ASTN2: variants seen among roughly 807,000 people sequenced by gnomAD.
The protein encoded by ASTN2 is astrotactin 2, also known as astrotactin-2.
A neutral mutation model predicts 139.8 loss-of-function variants in ASTN2; 54 were observed. The observed-to-expected ratio is 0.39, with a 90% CI of 0.31 to 0.48. The LOEUF (loss-of-function observed/expected upper bound fraction) is 0.48, where lower values mean the gene tolerates loss of function less well. Ranked by LOEUF, ASTN2 falls within the 20% of genes least tolerant of loss-of-function variation. The pLI is 0.95. For missense variants in ASTN2, 1,565 were observed against 1,725.1 expected, an observed-to-expected ratio of 0.91 and a Z score of 1.64; for synonymous variants, 756 against 719.5, an observed-to-expected ratio of 1.05 and a Z score of -0.81.
chr9:117,321,876 C>A (rs569451868), intron 1 of ASTN2, among the ~76,000 whole-genome samples: 1 of 152,244 alleles, frequency 6.6e-6, no homozygotes, highest in Admixed American at 6.5e-5. Context: ...GTTGTGACAA[C>A]CAAAACTGGC....
At chr9:117,194,797 A>G (rs577347496) in intron 3 of ASTN2, among the ~76,000 whole-genome samples, 1 of 152,354 alleles carries the variant, frequency 6.6e-6, no homozygotes, top group African/African-American at 2.4e-5. Flanking sequence ...GATGATATCT[A>G]GATTTTGATA....
At chr9:116,983,853 G>A (rs1402567044) in intron 7 of ASTN2, among the ~76,000 whole-genome samples, 1 of 152,180 alleles carries the variant, frequency 6.6e-6, no homozygotes, top group Non-Finnish European at 1.5e-5. Context: ...GAGATGTGTG[G>A]AATAGATCTG....
At chr9:116,686,849 C>T in intron 16 of ASTN2, 2 of 1,549,612 alleles carry the variant, frequency 1.3e-6, no homozygotes, top group South Asian at 1.2e-5. Flanking sequence ...GAGCACAGAA[C>T]ATGAGGCCAA....
intron 10 of ASTN2, among the ~76,000 whole-genome samples, chr9:116,894,424 C>A (rs1002003628): frequency 2.6e-5 from 4 of 152,156 alleles, no homozygotes; most frequent in African/African-American, 9.7e-5. Flanking sequence ...TGAGTTTGAC[C>A]AGCATGATTT....
intron 10 of ASTN2, among the ~76,000 whole-genome samples, chr9:116,918,250 C>A (rs1834508203): frequency 6.6e-6 from 1 of 152,092 alleles, no homozygotes; most frequent in Non-Finnish European, 1.5e-5. Flanking sequence ...GGCAAAGCAC[C>A]CAGAGCTAGC....
rs117794214 is a variant in ASTN2 at position 117,167,176 on chromosome 9, A to T, written c.1016-25698T>A. Among the ~76,000 whole-genome samples the T allele has an allele frequency of 3.3e-3, 500 of 152,206 alleles. 2 individuals carry two copies. Among genetic ancestry groups the T allele is most frequent in the Non-Finnish European group, 4.4e-3 (298 of 67,998 alleles). On this transcript the variant is annotated intron_variant, in intron 3 of 22. Transcript: ENST00000313400. ...CAAAATACTTCGAGCGAAACACACG[A>T]TCTATATTGATTTGTCTATAATGCT...
chr9:116,854,651 CTTTTTTTTTTT>C (rs764856702), intron 11 of ASTN2, among the ~76,000 whole-genome samples: 1 of 121,908 alleles, frequency 8.2e-6, no homozygotes, highest in African/African-American at 3.1e-5. Flanking sequence ...TTCCTTCTCT[CTTTTTTTTTTT>C]TTTTTTTTGA....
chr9:117,198,913 T>C (rs891460898), intron 3 of ASTN2, among the ~76,000 whole-genome samples: 2 of 152,198 alleles, frequency 1.3e-5, no homozygotes, highest in African/African-American at 4.8e-5. Flanking sequence ...TTTTCATATG[T>C]TTGTTGGCTG....
chr9:116,624,487 G>A (rs1856339332), intron 17 of ASTN2, among the ~76,000 whole-genome samples: 1 of 152,140 alleles, frequency 6.6e-6, no homozygotes, highest in Non-Finnish European at 1.5e-5. Context: ...ACACATAGAA[G>A]GCTATGAGAA....
At chr9:116,651,194 G>A (rs1857893318) in intron 17 of ASTN2, among the ~76,000 whole-genome samples, 1 of 152,074 alleles carries the variant, frequency 6.6e-6, no homozygotes, top group Admixed American at 6.6e-5. Flanking sequence ...TGAGATTACA[G>A]GCATGAGCCA....
chr9:116,516,148 G>A (rs1429924541), intron 19 of ASTN2, among the ~76,000 whole-genome samples: 1 of 152,120 alleles, frequency 6.6e-6, no homozygotes, highest in Admixed American at 6.6e-5. Flanking sequence ...TCACACACCT[G>A]GAAACTTCCA....
At position 116,926,784 on chromosome 9, in the gene ASTN2, C is replaced by T. The variant is rs550429319; in HGVS notation, c.1889+48424G>A. On this transcript the variant is annotated intron_variant, in intron 10 of 22. Transcript: ENST00000313400. Reference sequence around the variant, plus strand: ...ACTCAAGGTCATCCACAGAGTGACACGGCTGAGATTTGAACTCATGTGTAG... The same window carrying T: ...ACTCAAGGTCATCCACAGAGTGACATGGCTGAGATTTGAACTCATGTGTAG... Among the ~76,000 whole-genome samples, 20 of 152,230 alleles carry T rather than the reference C, an allele frequency of 1.3e-4. No individual in the cohort carries two copies. The South Asian group carries it at 1.5e-3, about 11-fold the overall frequency.
At position 117,393,768 on chromosome 9, in the gene ASTN2, C is replaced by T. The variant is rs1327717397; in HGVS notation, c.442+20729G>A. ...TGGGCAGGCTCTGAGGTGGAATGGG[C>T]AGGCTCTGGGGCTGGATAAGCAGAC... On this transcript the variant is annotated intron_variant, in intron 1 of 22. Transcript: ENST00000313400. 2.0e-5 allele frequency among the ~76,000 whole-genome samples: 3 copies of T among 152,050 alleles called. No homozygotes were observed. The East Asian group carries it at 5.8e-4, about 29-fold the overall frequency.
intron 19 of ASTN2, among the ~76,000 whole-genome samples, chr9:116,602,123 A>C (rs1854932644): frequency 6.6e-6 from 1 of 152,198 alleles, no homozygotes; most frequent in African/African-American, 2.4e-5. Flanking sequence ...TATGACCCAA[A>C]AATGTCACTG....
At chr9:116,901,222 T>G (rs1479828325) in intron 10 of ASTN2, among the ~76,000 whole-genome samples, 2 of 152,150 alleles carry the variant, frequency 1.3e-5, no homozygotes, top group Non-Finnish European at 2.9e-5. Context: ...ATGACAGTGG[T>G]CCTTTAAAAT....
At chr9:116,688,288 GAA>G (rs1482710466) in intron 16 of ASTN2, among the ~76,000 whole-genome samples, 2 of 152,072 alleles carry the variant, frequency 1.3e-5, no homozygotes, top group African/African-American at 4.8e-5. Flanking sequence ...GGAGAGGATT[GAA>G]TCGTGGGGTG....
rs145515476 is a variant in ASTN2, at chr9:117,274,908, C to T, written c.630+16418G>A. 8.5e-5 allele frequency among the ~76,000 whole-genome samples: 13 copies of T among 152,320 alleles called. No individual in the cohort carries two copies. In the East Asian group the frequency reaches 9.6e-4, roughly 11 times the overall value. On this transcript the variant is annotated intron_variant, in intron 2 of 22. Coordinates refer to ENST00000313400, the MANE Select transcript of ASTN2 (RefSeq NM_001365068.1). ...AAGGCCATATCTCCTAATACAGTCACGTTAGGGGTTGAGCTTCTTAATCAA... is the reference window on the plus strand; with the variant it reads ...AAGGCCATATCTCCTAATACAGTCATGTTAGGGGTTGAGCTTCTTAATCAA...
intron 3 of ASTN2, among the ~76,000 whole-genome samples, chr9:117,207,500 T>C (rs1392082916): frequency 6.6e-6 from 1 of 152,016 alleles, no homozygotes; most frequent in African/African-American, 2.4e-5. Flanking sequence ...CCTAAGAAAC[T>C]GTTTCAAAGG....
At chr9:117,200,202 G>A (rs1291002473) in intron 3 of ASTN2, among the ~76,000 whole-genome samples, 1 of 151,778 alleles carries the variant, frequency 6.6e-6, no homozygotes, top group Non-Finnish European at 1.5e-5. Context: ...TTTAGCATTA[G>A]ATATAACTCC....
Sources: allele counts gnomAD v4.1 joint callset (sites outside exome capture counted in the v4.1 genomes callset), GRCh38; gene constraint gnomAD v4.1.1; transcripts MANE v1.5; gene names NCBI Gene and HGNC (gene_info 2026-07-23, HGNC 2026-07-21).